GRK4: variants seen among roughly 807,000 people sequenced by gnomAD.
GRK4 encodes G protein-coupled receptor kinase 4, also known as G protein-coupled receptor kinase 2-like.
Under a neutral mutation model 77.9 loss-of-function variants are expected in GRK4, and 73 were observed. That is an observed-to-expected ratio of 0.94 (90% CI 0.78 to 1.14). The LOEUF (loss-of-function observed/expected upper bound fraction) is 1.14. GRK4 is among the 50% of genes most tolerant of loss of function. The probability of loss-of-function intolerance (pLI) is 0.00; values close to 1 mark genes in which losing one functional copy is unlikely to be tolerated. For synonymous variants in GRK4, 257 were observed against 254.4 expected (o/e 1.01, Z -0.10); for missense variants, 729 against 700.2 (o/e 1.04, Z -0.46).
chr4:2,995,007 C>G (rs561992199), intron 4 of GRK4, among the ~76,000 whole-genome samples: 79 of 152,236 alleles, frequency 5.2e-4, no homozygotes, highest in African/African-American at 1.9e-3. Context: ...TCATTTAGCT[C>G]CCACTCTTAA....
At chr4:2,971,838 A>C (rs1719642437) in intron 1 of GRK4, among the ~76,000 whole-genome samples, 1 of 152,068 alleles carries the variant, frequency 6.6e-6, no homozygotes, top group East Asian at 1.9e-4. Flanking sequence ...CATCATTCTG[A>C]TCTGTCTTCA....
At chr4:3,003,768 C>T (rs551816072) in intron 4 of GRK4, among the ~76,000 whole-genome samples, 2 of 151,936 alleles carry the variant, frequency 1.3e-5, no homozygotes, top group East Asian at 3.9e-4. Flanking sequence ...CGGAGTTTCA[C>T]TCTTGTTGCC....
intron 1 of GRK4, among the ~76,000 whole-genome samples, chr4:2,971,695 G>A (rs1363853303): frequency 1.3e-5 from 2 of 152,206 alleles, no homozygotes; most frequent in African/African-American, 4.8e-5. Context: ...CAGTCTTGGA[G>A]GCCGGAGTGC....
intron 1 of GRK4, among the ~76,000 whole-genome samples, chr4:2,981,114 G>A (rs1394655997): frequency 2.0e-5 from 3 of 152,196 alleles, no homozygotes; most frequent in African/African-American, 7.2e-5. Flanking sequence ...GAAGCTTGGA[G>A]ACTTCAGGAA....
chr4:3,035,481 G>A lies in GRK4; in HGVS notation c.1365G>A (p.Arg455=), dbSNP rs750993618. ...QHPVFKDINF[R]RLEANMLEPP... ...CCGTGTTCAAGGACATCAACTTCAG[G>A]AGGCTGGAGGCAAACATGCTGGAGC... The change falls in exon 13 of 16, where the codon AGG becomes AGA. Residue 455 remains arginine, a synonymous_variant. Transcript: ENST00000398052. The A allele has an allele frequency of 5.2e-5, 84 of 1,614,070 alleles. No individual in the cohort carries two copies. The Admixed American group carries it at 1.3e-3, about 26-fold the overall frequency.
intron 14 of GRK4, among the ~76,000 whole-genome samples, chr4:3,037,914 C>T (rs1047542536): frequency 7.1e-6 from 1 of 141,536 alleles, no homozygotes; most frequent in Non-Finnish European, 1.5e-5. Context: ...GACTTCGTCT[C>T]ACCCAAAAAA....
chr4:2,977,743 G>C (rs1721641738), intron 1 of GRK4, among the ~76,000 whole-genome samples: 1 of 152,132 alleles, frequency 6.6e-6, no homozygotes, highest in Non-Finnish European at 1.5e-5. Context: ...AGAGCACGGA[G>C]AACCGTGTGG....
rs1034670331 is a variant in GRK4 at position 3,004,455 on chromosome 4, T to C, written c.443+121T>C. The C allele has an allele frequency of 1.8e-5, 11 of 604,080 alleles. No individual in the cohort carries two copies. The Admixed American group carries it at 2.4e-4, about 13-fold the overall frequency. The allele number at this position is 604,080 out of a possible 1,614,324, so 37.4% of individuals were successfully genotyped here. ...GAGTGTAGTTGACCCTTGAACAACA[T>C]GGGCATTAGGGACGCTGACACCACC... is the stretch of plus-strand genomic sequence containing the variant. On this transcript the variant is annotated intron_variant, in intron 5 of 15. Coordinates refer to ENST00000398052, the MANE Select transcript of GRK4 (RefSeq NM_182982.3).
At chr4:2,969,600 T>C (rs1334337563) in intron 1 of GRK4, among the ~76,000 whole-genome samples, 1 of 151,940 alleles carries the variant, frequency 6.6e-6, no homozygotes, top group Non-Finnish European at 1.5e-5. Context: ...GGTCTCGAAC[T>C]CCCAACCTCA....
intron 10 of GRK4, among the ~76,000 whole-genome samples, chr4:3,026,045 G>C (rs568119204): frequency 6.6e-6 from 1 of 152,366 alleles, no homozygotes; most frequent in Admixed American, 6.5e-5. Flanking sequence ...TGGTAAGCGT[G>C]TCATCTCCAC....
rs771058189 is a variant in GRK4, at chr4:3,040,558, G to A, written c.1684-14G>A. On this transcript the variant is annotated splice_polypyrimidine_tract_variant and intron_variant, in intron 15 of 15. Coordinates refer to ENST00000398052, the MANE Select transcript of GRK4 (RefSeq NM_182982.3). ...CATCAGCCGTGTGCCTGAGGCCGCC[G>A]CTGTGTGTTGTAGGGCTGCCTGACC... 3.1e-6 allele frequency: 5 copies of A among 1,604,958 alleles called. No homozygotes were observed. Among genetic ancestry groups the A allele is most frequent in the Middle Eastern group, 1.6e-4 (1 of 6,072 alleles).
At chr4:2,975,876 A>C (rs1232353807) in intron 1 of GRK4, among the ~76,000 whole-genome samples, 1 of 152,218 alleles carries the variant, frequency 6.6e-6, no homozygotes. Flanking sequence ...ACTAGGCCCC[A>C]AAAATCAAAC....
intron 5 of GRK4, among the ~76,000 whole-genome samples, chr4:3,006,874 T>C (rs780189957): frequency 6.6e-6 from 1 of 152,170 alleles, no homozygotes; most frequent in African/African-American, 2.4e-5. Flanking sequence ...CCTGGGATAT[T>C]GTGATAAGAA....
chr4:3,019,787 G>A lies in GRK4; in HGVS notation c.888G>A (p.Leu296=). 1.2e-6 allele frequency: 2 copies of A among 1,614,186 alleles called. No individual in the cohort carries two copies. The highest frequency in any genetic ancestry group is 8.5e-7 in the Non-Finnish European group (1 of 1,180,020). ...GAGCCGTTTTCTATGCTGCAGAGCT[G>A]TGTTGCGGCTTGGAAGATTTACAGA... ...EQRAVFYAAE[L]CCGLEDLQRE... is the part of the protein sequence containing the mutation. Residue 296 remains leucine (L), a synonymous_variant, in exon 9 of 16, where the codon CTG becomes CTA. Transcript: ENST00000398052.
chr4:2,998,127 C>T (rs905673230), intron 4 of GRK4, among the ~76,000 whole-genome samples: 3 of 151,940 alleles, frequency 2.0e-5, no homozygotes, highest in Admixed American at 1.3e-4. Flanking sequence ...GAGGCCAAAG[C>T]GCGTGGATCA....
At chr4:3,032,033 A>T (rs1578388445) in intron 12 of GRK4, among the ~76,000 whole-genome samples, 1 of 152,044 alleles carries the variant, frequency 6.6e-6, no homozygotes, top group Non-Finnish European at 1.5e-5. Context: ...CGGCTACCTC[A>T]CTCTGCTTAG....
intron 1 of GRK4, among the ~76,000 whole-genome samples, chr4:2,979,403 C>CA (rs144374548): frequency 0.23 from 13,741 of 58,738 alleles, 1,882 homozygotes; most frequent in African/African-American, 0.36. Context: ...GACTCTGTCT[C>CA]AAAAAAAAAA....
chr4:2,990,601 T>TTA (rs1413944288), intron 3 of GRK4, among the ~76,000 whole-genome samples: 1 of 152,164 alleles, frequency 6.6e-6, no homozygotes, highest in Admixed American at 6.6e-5. Flanking sequence ...TGGGGCATGC[T>TTA]TACTCAGTTT....
Position 3,038,370 on chromosome 4 carries a change from A to G in GRK4, c.1546-6A>G, listed in dbSNP as rs1741430288. On this transcript the variant is annotated splice_polypyrimidine_tract_variant and splice_region_variant and intron_variant, in intron 14 of 15. Coordinates refer to ENST00000398052, the MANE Select transcript of GRK4 (RefSeq NM_182982.3). ...GCTTCTCTGTCCTGTTATTCTGTGCATGCAGATGATCGAATCTGGGTGTTT... is the reference window on the plus strand; with the variant it reads ...GCTTCTCTGTCCTGTTATTCTGTGCGTGCAGATGATCGAATCTGGGTGTTT... The G allele has an allele frequency of 1.9e-6, 3 of 1,614,102 alleles. No homozygotes were observed. Among genetic ancestry groups the G allele is most frequent in the Non-Finnish European group, 8.5e-7 (1 of 1,179,994 alleles).
Sources: gnomAD v4.1 joint callset for allele counts (sites outside exome capture counted in the v4.1 genomes callset) on GRCh38, gnomAD v4.1.1 for gene constraint, MANE v1.5 for transcripts, NCBI Gene and HGNC (gene_info 2026-07-23, HGNC 2026-07-21) for gene names.